The following MORC3 variants were observed in gnomAD, a reference collection of about 807,000 sequenced individuals.
MORC3 encodes the protein MORC family CW-type zinc finger protein 3.
A neutral mutation model predicts 109.1 loss-of-function variants in MORC3; 31 were observed. The ratio of observed to expected loss-of-function variants is 0.28; its 90% CI spans 0.21 to 0.38. The LOEUF (loss-of-function observed/expected upper bound fraction) is 0.38, where lower values mean the gene tolerates loss of function less well. MORC3 is among the 10% of genes least tolerant of loss of function. MORC3 has a pLI of 1.00. For synonymous variants in MORC3, 395 were observed against 380.7 expected (o/e 1.04, Z -0.44); for missense variants, 867 against 1,135.8 (o/e 0.76, Z 3.40).
At chr21:36,352,439 A>G (rs970481712) in intron 9 of MORC3, among the ~76,000 whole-genome samples, 5 of 152,232 alleles carry the variant, frequency 3.3e-5, no homozygotes. Flanking sequence ...AAGCTCTATT[A>G]CAGGTTGAGT....
intron 14 of MORC3, among the ~76,000 whole-genome samples, chr21:36,368,034 A>AG (rs1284673416): frequency 6.6e-6 from 1 of 152,168 alleles, no homozygotes; most frequent in Non-Finnish European, 1.5e-5. Context: ...AGTCCAAAAA[A>AG]GAGGAAAATC....
chr21:36,369,712 A>G lies in MORC3; in HGVS notation c.2344A>G (p.Arg782Gly), dbSNP rs1342938657. The change falls in exon 15 of 17, where the codon AGG becomes GGG. Residue 782 changes from arginine (R) to glycine (G), a missense_variant. Around this residue, in one of 7 missense-constraint regions of MORC3, gnomAD observed 486 missense variants for 502.1 expected, o/e 0.97. Transcript: ENST00000400485. ...TCAGCAAGCTTTGGAAGAAATAGAA[A>G]GGCTGAAAAAACAATGTAGTGCTTT... ...QYQQALEEIERLKKQCSALQH... is the reference protein window; with the variant it reads ...QYQQALEEIEGLKKQCSALQH... 2.5e-5 allele frequency: 41 copies of G among 1,614,098 alleles called. No individual in the cohort carries two copies. The highest frequency in any genetic ancestry group is 3.5e-5 in the Non-Finnish European group (41 of 1,180,044).
At chr21:36,344,100 A>G (rs548722048) in intron 6 of MORC3, among the ~76,000 whole-genome samples, 5 of 152,146 alleles carry the variant, frequency 3.3e-5, no homozygotes, top group Admixed American at 3.3e-4. Context: ...GAAAAGTAGG[A>G]GAAGCTTTTA....
rs1390435768 is a variant in MORC3, at chr21:36,369,822, T to C, written c.2454T>C (p.Asp818=). The change falls in exon 15 of 17, where the codon GAT becomes GAC. Residue 818 remains aspartate (D), a synonymous_variant. Coordinates refer to ENST00000400485, the MANE Select transcript of MORC3 (RefSeq NM_015358.3). ...EMDEMAVQLD[D]VFRQLDKCSI... is the part of the protein sequence containing the mutation. Reference sequence around the variant, plus strand: ...ATGAGATGGCTGTGCAGCTTGACGATGTGTTTAGACAACTGGACAAATGCA... The same window carrying C: ...ATGAGATGGCTGTGCAGCTTGACGACGTGTTTAGACAACTGGACAAATGCA... The C allele has an allele frequency of 6.2e-7, 1 of 1,614,008 alleles. No homozygotes were observed. The highest frequency in any genetic ancestry group is 8.5e-7 in the Non-Finnish European group (1 of 1,180,038).
intron 4 of MORC3, among the ~76,000 whole-genome samples, chr21:36,338,223 G>T (rs142835686): frequency 2.0e-3 from 298 of 152,218 alleles, no homozygotes; most frequent in African/African-American, 6.8e-3. Context: ...AAGACTTTAT[G>T]GTTTGGCTTG....
intron 1 of MORC3, among the ~76,000 whole-genome samples, chr21:36,329,067 C>T (rs1432589838): frequency 2.6e-5 from 4 of 152,078 alleles, no homozygotes; most frequent in Non-Finnish European, 5.9e-5. Context: ...CCGAGGTGGG[C>T]GGATCGCCTG....
intron 16 of MORC3, 149 bp from the exon 17 acceptor site, chr21:36,374,994 A>G: frequency 1.4e-6 from 1 of 713,272 alleles, no homozygotes; most frequent in Admixed American, 3.6e-5. Context: ...ATTAAAGTAA[A>G]TTGAGTTCTC....
At chr21:36,355,943 G>T (rs879428006) in intron 9 of MORC3, among the ~76,000 whole-genome samples, 2 of 152,154 alleles carry the variant, frequency 1.3e-5, no homozygotes, top group East Asian at 1.9e-4. Flanking sequence ...GTGGCAGTTC[G>T]TGTGGGTCCT....
intron 6 of MORC3, among the ~76,000 whole-genome samples, chr21:36,342,474 C>T (rs2085460379): frequency 6.6e-6 from 1 of 152,030 alleles, no homozygotes; most frequent in Non-Finnish European, 1.5e-5. Flanking sequence ...GAGATCTCAG[C>T]TCACTGCAGC....
At chr21:36,354,070 CA>C (rs578005759) in intron 9 of MORC3, among the ~76,000 whole-genome samples, 2 of 146,422 alleles carry the variant, frequency 1.4e-5, no homozygotes, top group Non-Finnish European at 1.5e-5. Context: ...GACCCTGTCT[CA>C]AAAAAAAAGA....
intron 12 of MORC3, chr21:36,360,597 G>T (rs1300846615): frequency 6.6e-6 from 2 of 303,964 alleles, no homozygotes; most frequent in African/African-American, 2.2e-5. Context: ...TACCAGTTAC[G>T]TGTTGGTGAG....
Position 36,376,417 on chromosome 21 carries a change from C to T in MORC3, c.*1121C>T, listed in dbSNP as rs1346548395. 6.6e-6 allele frequency: 1 copy of T among 152,328 alleles called. No homozygotes were observed. Among genetic ancestry groups the T allele is most frequent in the Non-Finnish European group, 1.5e-5 (1 of 67,994 alleles). 9.4% of individuals were successfully genotyped at this position (152,328 alleles called of 1,614,324 possible). Reference sequence around the variant, plus strand: ...TTTGTTTTTGAACATTCAATCCGTTCATTTTGTATGTATGCTTAATACGTG... The same window carrying T: ...TTTGTTTTTGAACATTCAATCCGTTTATTTTGTATGTATGCTTAATACGTG... On this transcript the variant is annotated 3_prime_UTR_variant, in exon 17 of 17. Transcript: ENST00000400485.
chr21:36,339,837 T>C (rs1396862850), intron 5 of MORC3, among the ~76,000 whole-genome samples: 1 of 152,222 alleles, frequency 6.6e-6, no homozygotes, highest in Non-Finnish European at 1.5e-5. Flanking sequence ...TCGTTTTTCT[T>C]GCTTTCACTT....
chr21:36,320,737 G>A (rs773834566), intron 1 of MORC3: 7 of 170,442 alleles, frequency 4.1e-5, no homozygotes, highest in Non-Finnish European at 8.7e-5. Flanking sequence ...GCGGGGGGAC[G>A]GGGCTGCGGG....
At position 36,364,147 on chromosome 21, in the gene MORC3, TCTC is replaced by T. The variant is rs745791401; in HGVS notation, c.1510_1512del (p.Pro504del). The T allele has an allele frequency of 4.3e-6, 7 of 1,613,994 alleles. No homozygotes were observed. The South Asian group carries it at 4.4e-5, about 10-fold the overall frequency. ...TGCTCTTTCAACTCCAAGCTTTTCT[TCTC>T]CTAAGGAAAGTGTTCCAAGAAGACA... On this transcript the variant is annotated inframe_deletion, in exon 14 of 17. Coordinates refer to ENST00000400485, the MANE Select transcript of MORC3 (RefSeq NM_015358.3).
intron 2 of MORC3, among the ~76,000 whole-genome samples, chr21:36,334,477 T>C (rs2085353244): frequency 6.6e-6 from 1 of 152,178 alleles, no homozygotes; most frequent in South Asian, 2.1e-4. Flanking sequence ...ATTTGTTTGC[T>C]TATTTTGAGA....
intron 14 of MORC3, among the ~76,000 whole-genome samples, chr21:36,365,714 G>A (rs549781452): frequency 6.6e-6 from 1 of 152,190 alleles, no homozygotes; most frequent in South Asian, 2.1e-4. Context: ...CCGAGTAGCT[G>A]GGGTTACAGG....
chr21:36,364,660 A>G, intron 14 of MORC3, among the ~76,000 whole-genome samples: 1 of 151,970 alleles, frequency 6.6e-6, no homozygotes, highest in East Asian at 1.9e-4. Context: ...AAAAAAAAGC[A>G]TTAATTGTAT....
chr21:36,337,685 T>A, intron 3 of MORC3, 47 bp from the exon 4 acceptor site: 4 of 1,174,726 alleles, frequency 3.4e-6, no homozygotes, highest in Non-Finnish European at 4.7e-6. Context: ...ATTTATTTAT[T>A]TTTGATTATA....
Sources: allele counts gnomAD v4.1 joint callset (sites outside exome capture counted in the v4.1 genomes callset), GRCh38; gene constraint gnomAD v4.1.1; regional missense constraint gnomAD v4.1.1; transcripts MANE v1.5; gene names NCBI Gene and HGNC (gene_info 2026-07-23, HGNC 2026-07-21).